The following API5 variants were observed in gnomAD, a reference collection of about 807,000 sequenced individuals.
The protein encoded by API5 is FIF.
Under a neutral mutation model 71.9 loss-of-function variants are expected in API5, and 6 were observed. The ratio of observed to expected loss-of-function variants is 0.08; its 90% CI spans 0.05 to 0.16. API5 has a LOEUF of 0.16. Among genes scored for constraint, API5 ranks in the 10% least tolerant of loss-of-function variants. API5 has a pLI of 1.00. For missense variants in API5, 332 were observed against 612.8 expected, an observed-to-expected ratio of 0.54 and a Z score of 4.84; for synonymous variants, 189 against 221.3, an observed-to-expected ratio of 0.85 and a Z score of 1.30.
At position 43,328,761 on chromosome 11, in the gene API5, G is replaced by A. The variant is rs1012566540; in HGVS notation, c.995G>A (p.Gly332Asp). ...PEEAENGENA[G>D]NEEPKLQFSY... ...GAGGCAGAAAATGGAGAGAATGCTG[G>A]TAATGAAGAACCCAAGCTACAGTTC... is the stretch of plus-strand genomic sequence containing the variant. The change falls in exon 9 of 14, where the codon GGT (glycine) becomes GAT (aspartate). Residue 332 changes from glycine to aspartate, a missense_variant. Physicochemically the swap from Gly to Asp is moderately conservative, Grantham distance 94. Around this residue, in one of 3 missense-constraint regions of API5, gnomAD observed 168 missense variants for 343.9 expected, o/e 0.49. Transcript: ENST00000531273. 6.2e-7 allele frequency: 1 copy of A among 1,613,902 alleles called. No homozygotes were observed. Among genetic ancestry groups the A allele is most frequent in the Non-Finnish European group, 8.5e-7 (1 of 1,179,894 alleles).
At chr11:43,319,763 A>T (rs1483835235) in intron 2 of API5, among the ~76,000 whole-genome samples, 2 of 152,134 alleles carry the variant, frequency 1.3e-5, no homozygotes, top group Non-Finnish European at 2.9e-5. Flanking sequence ...CAGTATTTGG[A>T]ATTAAACATG....
chr11:43,330,330 A>G, intron 10 of API5, 178 bp from the exon 11 acceptor site: 2 of 646,776 alleles, frequency 3.1e-6, no homozygotes, highest in South Asian at 3.7e-5. Context: ...CTACATCTAG[A>G]TTTGTTTAGA....
chr11:43,318,432 T>TC (rs1241174185), intron 1 of API5: 1 of 1,533,614 alleles, frequency 6.5e-7, no homozygotes, highest in African/African-American at 1.4e-5. Flanking sequence ...CTCATCCATC[T>TC]CCCCCAACTC....
intron 6 of API5, 52 bp from the exon 7 acceptor site, chr11:43,326,455 T>A: frequency 8.8e-7 from 1 of 1,134,206 alleles, no homozygotes; most frequent in Non-Finnish European, 1.3e-6. Context: ...TGCTATAATA[T>A]TTGAGCGAAT....
rs750231301 is a variant in API5 at position 43,312,065 on chromosome 11, A to C, written c.-63A>C. ...GGGTAGTGGGTTTGGAGAAGTTCCG[A>C]GGCGGCGGTGGCGCCGGTCAGGACA... On this transcript the variant is annotated 5_prime_UTR_variant, in exon 1 of 14. Coordinates refer to ENST00000531273, the MANE Select transcript of API5 (RefSeq NM_001142930.2). 4 of 1,584,264 alleles carry C rather than the reference A, an allele frequency of 2.5e-6. No individual in the cohort carries two copies. The highest frequency in any genetic ancestry group is 3.5e-6 in the Non-Finnish European group (4 of 1,156,884).
At chr11:43,328,159 C>T (rs545845782) in intron 8 of API5, among the ~76,000 whole-genome samples, 20 of 152,232 alleles carry the variant, frequency 1.3e-4, no homozygotes, top group African/African-American at 4.8e-4. Flanking sequence ...CAGTGATAAG[C>T]ATTAGGTCCT....
At chr11:43,318,440 C>G (rs1182738712) in intron 1 of API5, 200 bp from the exon 2 acceptor site, 1 of 1,534,486 alleles carries the variant, frequency 6.5e-7, no homozygotes, top group Non-Finnish European at 8.7e-7. Flanking sequence ...TCTCCCCCAA[C>G]TCAAAAATGA....
chr11:43,332,608 A>G (rs11037416), intron 11 of API5, among the ~76,000 whole-genome samples: 42,161 of 151,884 alleles, frequency 0.28, 6,791 homozygotes, highest in South Asian at 0.39. Flanking sequence ...ATCCCTATGG[A>G]GTTGGGGTGT....
chr11:43,338,986 T>C (rs1855525991), intron 13 of API5, among the ~76,000 whole-genome samples: 1 of 152,210 alleles, frequency 6.6e-6, no homozygotes, highest in African/African-American at 2.4e-5. Context: ...CCATAGTTAC[T>C]GCATCTGTCT....
intron 13 of API5, among the ~76,000 whole-genome samples, chr11:43,341,759 T>G (rs935034245): frequency 6.6e-6 from 1 of 152,200 alleles, no homozygotes; most frequent in Non-Finnish European, 1.5e-5. Flanking sequence ...AGATGATGGA[T>G]ATGCTTGTTA....
chr11:43,314,895 TTAG>T (rs1460512931), intron 1 of API5, among the ~76,000 whole-genome samples: 4 of 152,328 alleles, frequency 2.6e-5, no homozygotes, highest in Admixed American at 6.5e-5. Context: ...AAAAGCCACC[TTAG>T]TAGAGAGGAC....
chr11:43,331,675 T>A (rs1162043077), intron 11 of API5, among the ~76,000 whole-genome samples: 1 of 152,094 alleles, frequency 6.6e-6, no homozygotes, highest in African/African-American at 2.4e-5. Context: ...AGAATCTGCG[T>A]ATAAGTGAGA....
intron 7 of API5, 140 bp from the exon 8 acceptor site, chr11:43,327,649 A>C (rs1381976226): frequency 1.7e-6 from 1 of 596,838 alleles, no homozygotes; most frequent in Non-Finnish European, 2.8e-6. Flanking sequence ...ATCTATCTCT[A>C]AGGTTTTCTT....
chr11:43,341,728 CAAAG>C (rs750205330), intron 13 of API5, among the ~76,000 whole-genome samples: 6 of 152,068 alleles, frequency 3.9e-5, no homozygotes, highest in African/African-American at 1.4e-4. Context: ...GTTCCCAACA[CAAAG>C]AAATTATAGG....
rs1211863426 is a variant in API5, at chr11:43,330,498, C to T, written c.1222-10C>T. On this transcript the variant is annotated splice_polypyrimidine_tract_variant and intron_variant, in intron 10 of 13. Transcript: ENST00000531273. ...TGGCAATTTGTCTTAATTTTCCTTTCCCTTTGTAGAACAAGATTAAAGTCG... is the reference window on the plus strand; with the variant it reads ...TGGCAATTTGTCTTAATTTTCCTTTTCCTTTGTAGAACAAGATTAAAGTCG... The T allele has an allele frequency of 6.3e-7, 1 of 1,578,820 alleles. No individual in the cohort carries two copies. The highest frequency in any genetic ancestry group is 1.7e-5 in the Admixed American group (1 of 59,734).
At chr11:43,336,461 A>G (rs2134380248) in intron 13 of API5, among the ~76,000 whole-genome samples, 1 of 152,286 alleles carries the variant, frequency 6.6e-6, no homozygotes, top group South Asian at 2.1e-4. Flanking sequence ...GTGGAGTCAG[A>G]TGTTCAGGCA....
At chr11:43,332,846 G>A (rs1175665595) in intron 11 of API5, among the ~76,000 whole-genome samples, 1 of 152,064 alleles carries the variant, frequency 6.6e-6, no homozygotes, top group African/African-American at 2.4e-5. Context: ...ACTGAGTTCC[G>A]ACCCTGTAAG....
At chr11:43,312,692 T>C (rs1854522220) in intron 1 of API5, among the ~76,000 whole-genome samples, 2 of 152,128 alleles carry the variant, frequency 1.3e-5, no homozygotes, top group South Asian at 2.1e-4. Flanking sequence ...GTCCAGACTT[T>C]GATGAGAGCT....
intron 13 of API5, chr11:43,339,473 A>G (rs1186781632): frequency 1.3e-5 from 2 of 152,210 alleles, no homozygotes; most frequent in Non-Finnish European, 2.9e-5. Flanking sequence ...CAGCCTTGTG[A>G]TAACTTCGAT....
Sources: gnomAD v4.1 joint callset for allele counts (sites outside exome capture counted in the v4.1 genomes callset) on GRCh38, gnomAD v4.1.1 for gene constraint, gnomAD v4.1.1 regional missense constraint, MANE v1.5 for transcripts, NCBI Gene and HGNC (gene_info 2026-07-23, HGNC 2026-07-21) for gene names.